RIC1: variants seen among roughly 807,000 people sequenced by gnomAD.
RIC1 encodes the protein RIC1 partner of RAB6A GEF complex, also known as guanine nucleotide exchange factor subunit RIC1.
Under a neutral mutation model 169.0 loss-of-function variants are expected in RIC1, and 88 were observed. That is an observed-to-expected ratio of 0.52 (90% CI 0.44 to 0.62). The LOEUF (loss-of-function observed/expected upper bound fraction) is 0.62. Among genes scored for constraint, RIC1 ranks in the 20% least tolerant of loss-of-function variants. The pLI is 0.00. For synonymous variants in RIC1, 790 were observed against 601.5 expected, an observed-to-expected ratio of 1.31 and a Z score of -4.59; for missense variants, 1,877 against 1,725.5, an observed-to-expected ratio of 1.09 and a Z score of -1.56.
intron 2 of RIC1, among the ~76,000 whole-genome samples, chr9:5,677,169 C>T (rs1454441233): frequency 3.3e-5 from 5 of 152,196 alleles, no homozygotes; most frequent in African/African-American, 1.2e-4. Flanking sequence ...CTATTTTCCT[C>T]TATCTTTGCC....
intron 8 of RIC1, 71 bp from the exon 9 acceptor site, chr9:5,742,798 G>GGAA (rs374540954): frequency 6.5e-5 from 67 of 1,023,618 alleles, no homozygotes; most frequent in African/African-American, 2.7e-4. Context: ...GATTGTATTT[G>GGAA]AAAAAAAAAA....
At chr9:5,754,362 A>C (rs1424514898) in intron 14 of RIC1, among the ~76,000 whole-genome samples, 1 of 152,216 alleles carries the variant, frequency 6.6e-6, no homozygotes, top group Admixed American at 6.5e-5. Flanking sequence ...ATTTTTATAA[A>C]TAGGATATGG....
At position 5,629,451 on chromosome 9, in the gene RIC1, C is replaced by G; in HGVS notation, c.142C>G (p.Arg48Gly). The G allele has an allele frequency of 6.5e-7, 1 of 1,530,578 alleles. No individual in the cohort carries two copies. The highest frequency in any genetic ancestry group is 8.7e-7 in the Non-Finnish European group (1 of 1,144,620). The allele number at this position is 1,530,578 out of a possible 1,614,324, so 94.8% of individuals were successfully genotyped here. ...AAARLSIWYS[R>G]PSVLIVTYKE... ...GGCCCGCCTCAGCATCTGGTACAGC[C>G]GAGTAAGTAGAGCCGCCCGCCGCCT... is the stretch of plus-strand genomic sequence containing the variant. Residue 48 changes from arginine to glycine, a missense_variant and splice_region_variant, in exon 1 of 26, where the codon CGA becomes GGA. This residue lies in a region of RIC1 where 1,104 missense variants were observed against 992.0 expected (regional missense o/e 1.11). Transcript: ENST00000414202.
intron 17 of RIC1, among the ~76,000 whole-genome samples, chr9:5,757,960 A>C (rs1244671635): frequency 1.3e-5 from 2 of 152,170 alleles, no homozygotes; most frequent in Non-Finnish European, 2.9e-5. Context: ...TTTAAGTCTA[A>C]AGTGTTTTAA....
intron 1 of RIC1, among the ~76,000 whole-genome samples, chr9:5,641,101 T>C (rs1818215860): frequency 6.6e-6 from 1 of 151,832 alleles, no homozygotes; most frequent in Admixed American, 6.6e-5. Context: ...GTCTTCTTTT[T>C]TTTTTTTTTG....
chr9:5,695,136 G>A (rs1821814055), intron 3 of RIC1, among the ~76,000 whole-genome samples: 1 of 152,130 alleles, frequency 6.6e-6, no homozygotes, highest in African/African-American at 2.4e-5. Context: ...CTGAGAAGAT[G>A]ACATATAAAA....
At chr9:5,770,322 A>T in intron 23 of RIC1, 44 bp downstream of exon 23, 1 of 1,506,738 alleles carries the variant, frequency 6.6e-7, no homozygotes, top group Non-Finnish European at 9.1e-7. Context: ...CCTTTGAAGA[A>T]AATTTATGTG....
chr9:5,716,056 C>G (rs1823223618), intron 4 of RIC1, among the ~76,000 whole-genome samples: 1 of 152,040 alleles, frequency 6.6e-6, no homozygotes, highest in Non-Finnish European at 1.5e-5. Context: ...GTTGTTGAGG[C>G]TGGTCTCAAA....
At chr9:5,682,286 G>A (rs1247538777) in intron 2 of RIC1, among the ~76,000 whole-genome samples, 2 of 152,210 alleles carry the variant, frequency 1.3e-5, no homozygotes, top group South Asian at 4.1e-4. Flanking sequence ...TGTTTTTGCA[G>A]TGGCTGGTAC....
At chr9:5,680,543 T>A (rs982841310) in intron 2 of RIC1, among the ~76,000 whole-genome samples, 3 of 152,178 alleles carry the variant, frequency 2.0e-5, no homozygotes, top group African/African-American at 7.2e-5. Flanking sequence ...TATTCAGAGA[T>A]TCTGCTTCTT....
At chr9:5,631,564 A>G (rs1236495147) in intron 1 of RIC1, among the ~76,000 whole-genome samples, 1 of 151,854 alleles carries the variant, frequency 6.6e-6, no homozygotes, top group Non-Finnish European at 1.5e-5. Flanking sequence ...GTGCACGCCT[A>G]TAGCCCCAGC....
At chr9:5,740,936 A>G (rs921307268) in intron 8 of RIC1, among the ~76,000 whole-genome samples, 1 of 152,076 alleles carries the variant, frequency 6.6e-6, no homozygotes, top group Admixed American at 6.6e-5. Context: ...TTTGCCCACC[A>G]TATCTTTGAC....
intron 1 of RIC1, among the ~76,000 whole-genome samples, chr9:5,634,491 T>C (rs2130245351): frequency 6.6e-6 from 1 of 152,352 alleles, no homozygotes; most frequent in Admixed American, 6.5e-5. Context: ...TGAGCACCTA[T>C]TGGCCATTGG....
rs1435555257 is a variant in RIC1, at chr9:5,629,400, A to G, written c.91A>G (p.Arg31Gly). The G allele has an allele frequency of 2.0e-6, 3 of 1,533,584 alleles. No individual in the cohort carries two copies. The highest frequency in any genetic ancestry group is 2.6e-6 in the Non-Finnish European group (3 of 1,146,038). The allele number at this position is 1,533,584 out of a possible 1,614,324, so 95.0% of individuals were successfully genotyped here. A position where few individuals can be genotyped will look rare whatever the true frequency, so the allele number is the denominator to read the frequency against. Residue 31 changes from arginine to glycine, a missense_variant, in exon 1 of 26, where the codon AGG (arginine) becomes GGG (glycine). Arg to Gly is a moderately radical substitution (Grantham distance 125, BLOSUM62 -2). This residue lies in a region of RIC1 where 1,104 missense variants were observed against 992.0 expected (regional missense o/e 1.11). Coordinates refer to ENST00000414202, the MANE Select transcript of RIC1 (RefSeq NM_020829.4). ...APFHVQSDPQ[R>G]AFFAVLAAAR... ...TTTCCACGTTCAGTCCGACCCGCAG[A>G]GGGCTTTCTTCGCCGTGCTGGCCGC...
chr9:5,772,553 T>C lies in RIC1; in HGVS notation c.3617-11T>C, dbSNP rs1160220067. On this transcript the variant is annotated splice_polypyrimidine_tract_variant and intron_variant, in intron 23 of 25. Transcript: ENST00000414202. ...CGAAGTTGGTTGTAACTTTTGGCAATTCTTCATCAGGTGATGAATGCAGTA... is the reference window on the plus strand; with the variant it reads ...CGAAGTTGGTTGTAACTTTTGGCAACTCTTCATCAGGTGATGAATGCAGTA... 1 of 1,559,040 alleles carries C rather than the reference T, an allele frequency of 6.4e-7. No homozygotes were observed. The highest frequency in any genetic ancestry group is 8.7e-7 in the Non-Finnish European group (1 of 1,155,086).
intron 6 of RIC1, among the ~76,000 whole-genome samples, chr9:5,723,077 T>C (rs1448662232): frequency 6.6e-6 from 1 of 152,230 alleles, no homozygotes; most frequent in Admixed American, 6.5e-5. Flanking sequence ...TACCCAGTAA[T>C]GGGATGGCTG....
intron 15 of RIC1, among the ~76,000 whole-genome samples, chr9:5,755,352 C>G (rs1160341184): frequency 6.6e-6 from 1 of 152,152 alleles, no homozygotes; most frequent in African/African-American, 2.4e-5. Flanking sequence ...CTATATAGCA[C>G]TATCTTTTTT....
chr9:5,763,195 C>T lies in RIC1; in HGVS notation c.2168C>T (p.Thr723Met), dbSNP rs191690796. ...CAGTCTGTTGAAAATGTCTGGACAA[C>T]GTGTCGAGCAAATAAACAGAAACGT... ...LAQSVENVWT[T>M]CRANKQKRHL... Residue 723 changes from threonine (T) to methionine (M), a missense_variant, in exon 19 of 26, where the codon ACG becomes ATG. Thr to Met is a moderately conservative substitution (Grantham distance 81). This residue lies in a region of RIC1 where 1,104 missense variants were observed against 992.0 expected (regional missense o/e 1.11). Transcript: ENST00000414202. This position sits in a 1 kb window ranked among gnomAD's most constrained non-coding sequence, Gnocchi z 5.2. 5.7e-5 allele frequency: 92 copies of T among 1,614,040 alleles called. No homozygotes were observed. The Admixed American group carries it at 7.0e-4, about 12-fold the overall frequency.
At chr9:5,687,097 C>T (rs528131634) in intron 2 of RIC1, among the ~76,000 whole-genome samples, 1 of 152,208 alleles carries the variant, frequency 6.6e-6, no homozygotes, top group South Asian at 2.1e-4. Flanking sequence ...AGGAATTTGT[C>T]CATCTCATCC....
Sources: gnomAD v4.1 joint callset for allele counts (sites outside exome capture counted in the v4.1 genomes callset) on GRCh38, gnomAD v4.1.1 for gene constraint, gnomAD v4.1.1 regional missense constraint, Gnocchi (gnomAD v3.1) non-coding constraint, MANE v1.5 for transcripts, NCBI Gene and HGNC (gene_info 2026-07-23, HGNC 2026-07-21) for gene names.